Variants in ZNF644 observed in about 807,000 individuals in gnomAD.
The protein encoded by ZNF644 is zinc finger motif enhancer binding protein 2.
In ZNF644, 20 loss-of-function variants were observed where a neutral mutation model predicts 108.0. That is an observed-to-expected ratio of 0.19 (90% CI 0.13 to 0.27). ZNF644 has a LOEUF of 0.27. Among genes scored for constraint, ZNF644 ranks in the 10% least tolerant of loss-of-function variants. The pLI is 1.00. For synonymous variants in ZNF644, 542 were observed against 539.1 expected (o/e 1.01, Z -0.08); for missense variants, 1,338 against 1,548.9 (o/e 0.86, Z 2.29).
chr1:90,933,681 AAAT>A lies in ZNF644; in HGVS notation c.3688+3801_3688+3803del, dbSNP rs1651006245. Among the ~76,000 whole-genome samples, 14 of 151,406 alleles carry A rather than the reference AAAT, an allele frequency of 9.2e-5. No individual in the cohort carries two copies. In the South Asian group the frequency reaches 2.7e-3, roughly 29 times the overall value. On this transcript the variant is annotated intron_variant, in intron 4 of 5. Transcript: ENST00000337393. ...TCCGTCTCAAAATAAATAAATAAAT[AAAT>A]GAACAAACCCACCTTCATTTTAGAA...
chr1:90,928,319 A>ATTTTTT (rs58051560), intron 4 of ZNF644, among the ~76,000 whole-genome samples: 2 of 95,866 alleles, frequency 2.1e-5, no homozygotes, highest in African/African-American at 7.9e-5. Flanking sequence ...CACTGGGCTG[A>ATTTTTT]TTTTTTTTTT....
At chr1:90,998,936 G>T (rs1557648002) in intron 1 of ZNF644, among the ~76,000 whole-genome samples, 1 of 152,234 alleles carries the variant, frequency 6.6e-6, no homozygotes, top group Non-Finnish European at 1.5e-5. Context: ...TCAACTGGAA[G>T]AAAGGGTATC....
intron 2 of ZNF644, among the ~76,000 whole-genome samples, chr1:90,969,891 T>G (rs879573402): frequency 3.3e-5 from 5 of 152,216 alleles, no homozygotes; most frequent in Non-Finnish European, 5.9e-5. Flanking sequence ...CTGTAGATTC[T>G]TATGGCAGCC....
intron 2 of ZNF644, among the ~76,000 whole-genome samples, chr1:90,961,282 CAATT>C (rs1231287696): frequency 1.3e-5 from 2 of 152,016 alleles, no homozygotes; most frequent in Non-Finnish European, 2.9e-5. Flanking sequence ...AAAAACAAAA[CAATT>C]AAATTAACAA....
chr1:91,022,024 T>G lies in ZNF644; in HGVS notation c.-52A>C, dbSNP rs1356969714. 2.5e-6 allele frequency: 1 copy of G among 398,684 alleles called. No individual in the cohort carries two copies. Among genetic ancestry groups the G allele is most frequent in the Non-Finnish European group, 4.4e-6 (1 of 225,940 alleles). The allele number at this position is 398,684 out of a possible 1,614,324, so 24.7% of individuals were successfully genotyped here. On this transcript the variant is annotated 5_prime_UTR_variant, in exon 1 of 6. Transcript: ENST00000337393. ...CCGTGTGCGTCAAACCGGGGCGACG[T>G]TGGGAGCACGCGGCGTCCCCGCGTC...
At chr1:90,962,354 T>C (rs532759992) in intron 2 of ZNF644, among the ~76,000 whole-genome samples, 8 of 152,162 alleles carry the variant, frequency 5.3e-5, no homozygotes, top group Non-Finnish European at 1.0e-4. Flanking sequence ...CAGACCCATA[T>C]GTATATGGTC....
intron 4 of ZNF644, among the ~76,000 whole-genome samples, chr1:90,927,443 C>T (rs939570714): frequency 6.6e-6 from 1 of 151,902 alleles, no homozygotes; most frequent in South Asian, 2.1e-4. Context: ...TAAGGGTTAC[C>T]CAAAATACTC....
rs1397586552 is a variant in ZNF644, at chr1:90,939,150, T to C, written c.2204A>G (p.Asn735Ser). The change falls in exon 3 of 6, where the codon AAT becomes AGT. Residue 735 changes from asparagine (N) to serine (S), a missense_variant. Physicochemically the swap from Asn to Ser is conservative, Grantham distance 46. Around this residue, in one of 6 missense-constraint regions of ZNF644, gnomAD observed 462 missense variants for 472.6 expected, o/e 0.98. Transcript: ENST00000337393. ...AAKEKSNAKA[N>S]SHYLYRHKYE... ...TTTGTGTCTATACAAATAGTGGCTA[T>C]TTGCCTTGGCATTAGACTTTTCTTT... The C allele has an allele frequency of 1.5e-5, 25 of 1,613,732 alleles. No homozygotes were observed. The highest frequency in any genetic ancestry group is 2.1e-5 in the Non-Finnish European group (25 of 1,179,926).
intron 2 of ZNF644, among the ~76,000 whole-genome samples, chr1:90,969,906 C>A (rs1216312955): frequency 1.3e-5 from 2 of 152,116 alleles, no homozygotes; most frequent in Non-Finnish European, 2.9e-5. Context: ...GCAGCCCTAG[C>A]AGACTAATAT....
chr1:90,937,875 G>A lies in ZNF644; in HGVS notation c.3298C>T (p.Arg1100Cys), dbSNP rs769317289. The A allele has an allele frequency of 5.0e-6, 8 of 1,613,774 alleles. No homozygotes were observed. Among genetic ancestry groups the A allele is most frequent in the South Asian group, 1.1e-5 (1 of 91,068 alleles). Residue 1100 changes from arginine (R) to cysteine (C), a missense_variant, in exon 4 of 6, where the codon CGT becomes TGT. Around this residue, in one of 6 missense-constraint regions of ZNF644, gnomAD observed 287 missense variants for 310.9 expected, o/e 0.92. Coordinates refer to ENST00000337393, the MANE Select transcript of ZNF644 (RefSeq NM_201269.3). ...GCTACAAATGGTCTGGGAATAATAC[G>A]ACGACTGTTCAATGCCTTTAAGATT... ...EKILKALNSR[R>C]IIPRPFVAQK...
At chr1:90,923,325 C>T (rs1287566608) in intron 4 of ZNF644, among the ~76,000 whole-genome samples, 2 of 151,948 alleles carry the variant, frequency 1.3e-5, no homozygotes, top group Non-Finnish European at 2.9e-5. Context: ...CAGTTCCACC[C>T]CTCAATCTCT....
intron 5 of ZNF644, 104 bp downstream of exon 5, chr1:90,917,948 G>GA: frequency 4.4e-6 from 4 of 916,336 alleles, no homozygotes; most frequent in Non-Finnish European, 5.3e-6. Context: ...CTTGATTGTT[G>GA]AGAATGCACT....
In ZNF644 at chr1:90,916,732, G is replaced by A; in HGVS notation, c.*66C>T. The stretch of plus-strand genomic sequence containing the variant: ...ATTTATAAACAGATAATTTAATGTG[G>A]CTTAAAAAAAAAGAATTTCAAATTT... On this transcript the variant is annotated 3_prime_UTR_variant, in exon 6 of 6. Coordinates refer to ENST00000337393, the MANE Select transcript of ZNF644 (RefSeq NM_201269.3). 6.4e-7 allele frequency: 1 copy of A among 1,560,058 alleles called. No homozygotes were observed. Among genetic ancestry groups the A allele is most frequent in the Non-Finnish European group, 8.8e-7 (1 of 1,134,904 alleles).
intron 4 of ZNF644, among the ~76,000 whole-genome samples, chr1:90,922,382 T>C (rs533198418): frequency 6.6e-6 from 1 of 152,188 alleles, no homozygotes; most frequent in Non-Finnish European, 1.5e-5. Flanking sequence ...CTCTAAGTGG[T>C]TGGCCTGTGT....
At chr1:91,009,112 A>G (rs560897748) in intron 1 of ZNF644, among the ~76,000 whole-genome samples, 14 of 152,284 alleles carry the variant, frequency 9.2e-5, no homozygotes, top group Middle Eastern at 3.4e-3. Flanking sequence ...GGCTTATGAG[A>G]GCTTGGGCAA....
intron 1 of ZNF644, 118 bp from the exon 2 acceptor site, chr1:90,982,488 TATAAC>T (rs1656652740): frequency 5.7e-6 from 4 of 701,636 alleles, no homozygotes; most frequent in Non-Finnish European, 9.7e-6. Flanking sequence ...TATTTCTTGA[TATAAC>T]ATAAAAAAAC....
At chr1:90,987,280 A>G (rs1443239649) in intron 1 of ZNF644, among the ~76,000 whole-genome samples, 4 of 150,134 alleles carry the variant, frequency 2.7e-5, no homozygotes, top group Non-Finnish European at 4.5e-5. Flanking sequence ...AAAAAGATCA[A>G]CAAAATCAAT....
At chr1:91,017,933 G>A (rs1467056900) in intron 1 of ZNF644, among the ~76,000 whole-genome samples, 8 of 152,264 alleles carry the variant, frequency 5.3e-5, no homozygotes, top group African/African-American at 9.6e-5. Context: ...CTGCACCCGC[G>A]CCTGGGAAAC....
At chr1:90,991,061 T>C (rs931185832) in intron 1 of ZNF644, among the ~76,000 whole-genome samples, 24 of 152,220 alleles carry the variant, frequency 1.6e-4, no homozygotes, top group African/African-American at 5.1e-4. Context: ...ATGTCAATTA[T>C]GCCTCAATAA....
Sources: gnomAD v4.1 joint callset for allele counts (sites outside exome capture counted in the v4.1 genomes callset) on GRCh38, gnomAD v4.1.1 for gene constraint, gnomAD v4.1.1 regional missense constraint, MANE v1.5 for transcripts, NCBI Gene and HGNC (gene_info 2026-07-23, HGNC 2026-07-21) for gene names.